The following L1TD1 variants were observed in gnomAD, a reference collection of about 807,000 sequenced individuals.
The protein encoded by L1TD1 is LINE1 type transposase domain containing 1.
In L1TD1, 26 loss-of-function variants were observed where a neutral mutation model predicts 25.7. That is an observed-to-expected ratio of 1.01 (90% CI 0.74 to 1.40). The LOEUF (loss-of-function observed/expected upper bound fraction) is 1.40, where lower values mean the gene tolerates loss of function less well. L1TD1 is among the 40% of genes most tolerant of loss of function. The pLI is 0.00. For missense variants in L1TD1, 1,130 were observed against 975.0 expected (o/e 1.16, Z -2.12); for synonymous variants, 421 against 335.6 (o/e 1.25, Z -2.78).
intron 2 of L1TD1, among the ~76,000 whole-genome samples, chr1:62,199,645 T>C (rs375219112): frequency 6.6e-6 from 1 of 152,070 alleles, no homozygotes; most frequent in Admixed American, 6.6e-5. Flanking sequence ...GGAGTTTGAG[T>C]GTAGCCTCGG....
chr1:62,201,447 C>T (rs967068888), intron 2 of L1TD1, among the ~76,000 whole-genome samples: 1 of 149,068 alleles, frequency 6.7e-6, no homozygotes, highest in Non-Finnish European at 1.5e-5. Flanking sequence ...TCAGGCTAGA[C>T]CCGGTGCCAC....
chr1:62,203,453 ACT>A (rs1310137741), intron 2 of L1TD1, among the ~76,000 whole-genome samples: 2 of 151,524 alleles, frequency 1.3e-5, no homozygotes, highest in African/African-American at 2.4e-5. Flanking sequence ...ACAGGGTCTC[ACT>A]CTGTCGCCCG....
In L1TD1 at chr1:62,211,523, T is replaced by C. The variant is rs930395404; in HGVS notation, c.*151T>C. The stretch of plus-strand genomic sequence containing the variant: ...AGCAAGGAATATTACAGATATTACC[T>C]AGATGTTAATAAAGGGTATGTTTAA... On this transcript the variant is annotated 3_prime_UTR_variant, in exon 4 of 4. Transcript: ENST00000498273. 1.1e-5 allele frequency: 14 copies of C among 1,290,618 alleles called. No individual in the cohort carries two copies. Among genetic ancestry groups the C allele is most frequent in the African/African-American group, 4.4e-5 (3 of 67,864 alleles). The allele number at this position is 1,290,618 out of a possible 1,614,324, so 79.9% of individuals were successfully genotyped here. A position where few individuals can be genotyped will look rare whatever the true frequency, so the allele number is the denominator to read the frequency against.
intron 2 of L1TD1, among the ~76,000 whole-genome samples, chr1:62,197,397 T>TTATATGTATATA: frequency 1.2e-5 from 1 of 80,858 alleles, no homozygotes; most frequent in East Asian, 8.3e-4. Flanking sequence ...AAAAAATAAA[T>TTATATGTATATA]TATATATATA....
chr1:62,208,443 T>C (rs59949671), intron 3 of L1TD1: 20,028 of 151,570 alleles, frequency 0.13, 1,659 homozygotes, highest in African/African-American at 0.22. Context: ...CACAGAGCAG[T>C]GGCTGCTGTT....
chr1:62,209,908 G>A lies in L1TD1; in HGVS notation c.1134G>A (p.Glu378=), dbSNP rs780024817. The A allele has an allele frequency of 1.9e-6, 3 of 1,613,692 alleles. No homozygotes were observed. The highest frequency in any genetic ancestry group is 2.5e-6 in the Non-Finnish European group (3 of 1,179,920). Residue 378 remains glutamate (E), a synonymous_variant, in exon 4 of 4, where the codon GAG becomes GAA. Coordinates refer to ENST00000498273, the MANE Select transcript of L1TD1 (RefSeq NM_019079.5). ...AGATGAAAAACTTAGAGACTCAAGA[G>A]GAAGAGTTTTCCGAGCTAGAGGAGC... The part of the protein sequence containing the change: ...PEEMKNLETQ[E]EEFSELEELD...
Position 62,206,894 on chromosome 1 carries a change from A to AG in L1TD1, c.268dup (p.Val90GlyfsTer9), listed in dbSNP as rs774911284. 3.7e-6 allele frequency: 6 copies of AG among 1,613,852 alleles called. No homozygotes were observed. In the East Asian group the frequency reaches 1.3e-4, roughly 36 times the overall value. ...TTAGGGGGAAAAGCTACAATACCTG[A>AG]GGTAAAGAATTCAGAGAACTCCAGT... On this transcript the variant is annotated frameshift_variant, in exon 3 of 4. Coordinates refer to ENST00000498273, the MANE Select transcript of L1TD1 (RefSeq NM_019079.5). LOFTEE classifies it high-confidence loss of function.
intron 2 of L1TD1, among the ~76,000 whole-genome samples, chr1:62,201,978 T>C (rs1300950554): frequency 6.6e-6 from 1 of 152,198 alleles, no homozygotes; most frequent in Non-Finnish European, 1.5e-5. Context: ...CAGACACTAC[T>C]GGTGCTGGGT....
chr1:62,197,681 C>T (rs1670570188), intron 2 of L1TD1, among the ~76,000 whole-genome samples: 1 of 151,814 alleles, frequency 6.6e-6, no homozygotes, highest in Non-Finnish European at 1.5e-5. Flanking sequence ...GAGCTGGAGA[C>T]CAGCCTGGCC....
intron 1 of L1TD1, among the ~76,000 whole-genome samples, chr1:62,195,898 G>A (rs958576188): frequency 6.6e-6 from 1 of 152,044 alleles, no homozygotes; most frequent in Non-Finnish European, 1.5e-5. Context: ...TTAGCCGGGT[G>A]TGTTGGCTCG....
intron 2 of L1TD1, among the ~76,000 whole-genome samples, chr1:62,202,255 A>G (rs979473721): frequency 1.3e-5 from 2 of 151,992 alleles, no homozygotes; most frequent in Admixed American, 1.3e-4. Flanking sequence ...AGCCGAGATC[A>G]TGCCATTGCA....
At chr1:62,205,443 A>ATATTTTTTTTTTTTTTTTT (rs1553122597) in intron 2 of L1TD1, among the ~76,000 whole-genome samples, 3 of 63,638 alleles carry the variant, frequency 4.7e-5, no homozygotes, top group Admixed American at 2.1e-4. Context: ...ATATATATAT[A>ATATTTTTTTTTTTTTTTTT]TTTTTTTTTA....
rs1174933739 is a variant in L1TD1 at position 62,207,167 on chromosome 1, A to C, written c.539A>C (p.Asn180Thr). ...VMGSMEETLCNIDDRDGNRNV... is the reference protein window; with the variant it reads ...VMGSMEETLCTIDDRDGNRNV... ...GGAAGTATGGAAGAAACCTTATGCA[A>C]TATAGATGACAGAGATGGAAATCGC... The change falls in exon 3 of 4, where the codon AAT becomes ACT. Residue 180 changes from asparagine to threonine, a missense_variant. By Grantham distance (65) the Asn-to-Thr change is moderately conservative (BLOSUM62 0). Transcript: ENST00000498273. 1 of 1,556,928 alleles carries C rather than the reference A, an allele frequency of 6.4e-7. No homozygotes were observed. The highest frequency in any genetic ancestry group is 1.4e-5 in the African/African-American group (1 of 73,340).
Position 62,206,501 on chromosome 1 carries a change from C to A in L1TD1, c.-110-18C>A, listed in dbSNP as rs1445365598. 4 of 987,286 alleles carry A rather than the reference C, an allele frequency of 4.1e-6. No individual in the cohort carries two copies. The highest frequency in any genetic ancestry group is 5.5e-6 in the Non-Finnish European group (4 of 728,752). 61.2% of individuals were successfully genotyped at this position (987,286 alleles called of 1,614,324 possible). ...GAGAATTCTTTAGTAAGTAATTTTT[C>A]ATTTTTTTGTATTTCAGATTGACGT... On this transcript the variant is annotated intron_variant, in intron 2 of 3. Transcript: ENST00000498273.
rs1334584887 is a variant in L1TD1, at chr1:62,210,661, AGAG to A, written c.1891_1893del (p.Glu631del). ...TGATTAATAGCATCAGAGAGATAAAAGAGGAGATTGGAAATTTGAAAAGTTCCC... is the reference window on the plus strand; with the variant it reads ...TGATTAATAGCATCAGAGAGATAAAAGAGATTGGAAATTTGAAAAGTTCCC... On this transcript the variant is annotated inframe_deletion, in exon 4 of 4. Transcript: ENST00000498273. 4 of 1,561,270 alleles carry A rather than the reference AGAG, an allele frequency of 2.6e-6. No homozygotes were observed. The highest frequency in any genetic ancestry group is 1.9e-5 in the Admixed American group (1 of 51,714).
At chr1:62,205,287 G>A (rs947389555) in intron 2 of L1TD1, among the ~76,000 whole-genome samples, 7 of 151,066 alleles carry the variant, frequency 4.6e-5, no homozygotes, top group Non-Finnish European at 8.9e-5. Flanking sequence ...GCAGTGAGCC[G>A]AGATCGCGCC....
Position 62,204,238 on chromosome 1 carries a change from G to A in L1TD1, c.-110-2281G>A, listed in dbSNP as rs75065520. ...TCTGTTTTTCATTTCTTTGATTTGC[G>A]CGCATCTCTTTTGGTTTCTTGGGTA... On this transcript the variant is annotated intron_variant, in intron 2 of 3. Coordinates refer to ENST00000498273, the MANE Select transcript of L1TD1 (RefSeq NM_019079.5). Among the ~76,000 whole-genome samples the A allele has an allele frequency of 1.7e-3, 253 of 151,970 alleles. 3 individuals carry two copies. In the East Asian group the frequency reaches 0.04, roughly 24 times the overall value.
In L1TD1 at chr1:62,207,632, AAAG is replaced by A. The variant is rs2149101491; in HGVS notation, c.1005_1007del (p.Arg336del). 1 of 1,531,030 alleles carries A rather than the reference AAAG, an allele frequency of 6.5e-7. No individual in the cohort carries two copies. Among genetic ancestry groups the A allele is most frequent in the East Asian group, 2.5e-5 (1 of 40,808 alleles). The allele number at this position is 1,531,030 out of a possible 1,614,324, so 94.8% of individuals were successfully genotyped here. The stretch of plus-strand genomic sequence containing the variant: ...GGAAGAAAATATGGAATTCAAGAAA[AAAG>A]GGTAAGCATACAAATGTATAAATGT... On this transcript the variant is annotated inframe_deletion and splice_region_variant, in exon 3 of 4. Coordinates refer to ENST00000498273, the MANE Select transcript of L1TD1 (RefSeq NM_019079.5).
chr1:62,210,796 T>C lies in L1TD1; in HGVS notation c.2022T>C (p.Ser674=), dbSNP rs1373148577. The change falls in exon 4 of 4, where the codon TCT becomes TCC. Residue 674 remains serine, a synonymous_variant. Transcript: ENST00000498273. Reference sequence around the variant, plus strand: ...TAGAAGATCAAATTGAAGAATTCTCTAAGGATACAATGCAAATGACCAAAC... The same window carrying C: ...TAGAAGATCAAATTGAAGAATTCTCCAAGGATACAATGCAAATGACCAAAC... ...DSLEDQIEEF[S]KDTMQMTKQI... The C allele has an allele frequency of 1.3e-6, 2 of 1,550,246 alleles. No homozygotes were observed. Among genetic ancestry groups the C allele is most frequent in the African/African-American group, 1.4e-5 (1 of 72,884 alleles).
Sources: gnomAD v4.1 joint callset for allele counts (sites outside exome capture counted in the v4.1 genomes callset) on GRCh38, gnomAD v4.1.1 for gene constraint, MANE v1.5 for transcripts, NCBI Gene and HGNC (gene_info 2026-07-23, HGNC 2026-07-21) for gene names.